ZNF469: variants seen among roughly 807,000 people sequenced by gnomAD.
The protein encoded by ZNF469 is zinc finger protein 469.
A neutral mutation model predicts 1.0 loss-of-function variants in ZNF469; 1 was observed. The observed-to-expected ratio is 1.00, with a 90% CI of 0.35 to 4.73. The LOEUF (loss-of-function observed/expected upper bound fraction) is 4.73. Among genes scored for constraint, ZNF469 ranks in the 30% most tolerant of loss-of-function variants. The pLI is 0.16. For synonymous variants in ZNF469, 2,703 were observed against 2,363.4 expected (o/e 1.14, Z -4.17); for missense variants, 6,100 against 5,356.3 (o/e 1.14, Z -4.33).
the ZNF469 span, among the ~76,000 whole-genome samples, chr16:88,184,130 T>C: frequency 6.6e-6 from 1 of 151,980 alleles, no homozygotes; most frequent in African/African-American, 2.4e-5. Flanking sequence ...GGCCCCCGTG[T>C]AAACAGACGA....
the ZNF469 span, among the ~76,000 whole-genome samples, chr16:88,355,083 G>A: frequency 6.6e-6 from 1 of 151,820 alleles, no homozygotes; most frequent in Non-Finnish European, 1.5e-5. Flanking sequence ...CGGGCCTGGG[G>A]AGGGTGGGCA....
At chr16:88,163,620 G>A in the ZNF469 span, among the ~76,000 whole-genome samples, 1 of 28,382 alleles carries the variant, frequency 3.5e-5, no homozygotes, top group South Asian at 1.3e-3. Flanking sequence ...GTAGATGGAT[G>A]GATGGATGGA....
rs1259194902 is a variant in ZNF469 at position 88,429,426 on chromosome 16, G to GC, written c.1963dup (p.His655ProfsTer83). 2.6e-6 allele frequency: 4 copies of GC among 1,532,844 alleles called. No homozygotes were observed. Among genetic ancestry groups the GC allele is most frequent in the Non-Finnish European group, 3.5e-6 (4 of 1,132,994 alleles). The allele number at this position is 1,532,844 out of a possible 1,614,324, so 95.0% of individuals were successfully genotyped here. A position where few individuals can be genotyped will look rare whatever the true frequency, so the allele number is the denominator to read the frequency against. ...CGGGCAGCCCCTTCCCGTCCCCGGA[G>GC]CCCCCCCACTCCCTCCCCACCCACT... On this transcript the variant is annotated frameshift_variant, in exon 3 of 3. Transcript: ENST00000565624. LOFTEE classifies it low-confidence loss of function (END_TRUNC).
chr16:88,386,573 C>T (rs559106819), intron 1 of ZNF469, among the ~76,000 whole-genome samples: 43 of 152,310 alleles, frequency 2.8e-4, no homozygotes, highest in Admixed American at 4.6e-4. Context: ...CCCTTCTCCC[C>T]GGGCTCAGCA....
Position 88,429,192 on chromosome 16 carries a change from G to T in ZNF469, c.1722G>T (p.Gly574=). The change falls in exon 3 of 3, where the codon GGG becomes GGT. Residue 574 remains glycine, a synonymous_variant. Transcript: ENST00000565624. The part of the protein sequence containing the change: ...GVAQPQVSPH[G]TPSLPPPRVV... ...CCCAGCCCCAGGTTTCACCCCACGG[G>T]ACACCCAGCCTGCCCCCACCGAGGG... 4 of 1,549,796 alleles carry T rather than the reference G, an allele frequency of 2.6e-6. No homozygotes were observed. The highest frequency in any genetic ancestry group is 1.2e-5 in the South Asian group (1 of 84,052).
intron 1 of ZNF469, among the ~76,000 whole-genome samples, chr16:88,388,445 C>T (rs942537019): frequency 2.8e-5 from 4 of 144,366 alleles, no homozygotes; most frequent in East Asian, 3.9e-4. Flanking sequence ...CCGTTGGGAG[C>T]GTCCCTGAGC....
In ZNF469 at chr16:88,437,983, C is replaced by T; in HGVS notation, c.10513C>T (p.Leu3505Phe). ...CAGCCCCATCCTGAGTGAGGGCTCTCTCCCGGCCCTGCTCCACCTGTGTTC... is the reference window on the plus strand; with the variant it reads ...CAGCCCCATCCTGAGTGAGGGCTCTTTCCCGGCCCTGCTCCACCTGTGTTC... Reference protein sequence around the residue: ...GSSPILSEGSLPALLHLCSEV... With the variant: ...GSSPILSEGSFPALLHLCSEV... The change falls in exon 3 of 3, where the codon CTC becomes TTC. Residue 3505 changes from leucine (L) to phenylalanine (F), a missense_variant. Coordinates refer to ENST00000565624, the MANE Select transcript of ZNF469 (RefSeq NM_001367624.2). 1.3e-6 allele frequency: 2 copies of T among 1,548,372 alleles called. No individual in the cohort carries two copies. Among genetic ancestry groups the T allele is most frequent in the South Asian group, 1.2e-5 (1 of 84,058 alleles).
the ZNF469 span, among the ~76,000 whole-genome samples, chr16:88,250,970 C>T: frequency 5.3e-5 from 8 of 152,106 alleles, no homozygotes; most frequent in East Asian, 3.9e-4. Flanking sequence ...CTCTGCCTCC[C>T]GGGTTCAAGC....
At chr16:88,227,034 A>C in the ZNF469 span, among the ~76,000 whole-genome samples, 5 of 126,198 alleles carry the variant, frequency 4.0e-5, no homozygotes, top group Admixed American at 1.6e-4. Context: ...GCGCGTTTCC[A>C]CCCGTGCCTC....
At chr16:88,280,848 G>A in the ZNF469 span, among the ~76,000 whole-genome samples, 1 of 151,558 alleles carries the variant, frequency 6.6e-6, no homozygotes, top group Non-Finnish European at 1.5e-5. Context: ...CTGTGCTGGT[G>A]TCGGTGCACA....
chr16:88,218,642 C>T, the ZNF469 span, among the ~76,000 whole-genome samples: 1 of 149,746 alleles, frequency 6.7e-6, no homozygotes. Flanking sequence ...CTATCTATGA[C>T]AAACCCACAG....
the ZNF469 span, among the ~76,000 whole-genome samples, chr16:88,333,910 CTGTG>C: frequency 1.5e-5 from 2 of 135,616 alleles, no homozygotes; most frequent in Non-Finnish European, 3.4e-5. Flanking sequence ...TTTTGTGCAT[CTGTG>C]TGTGTCTGTG....
the ZNF469 span, among the ~76,000 whole-genome samples, chr16:88,103,432 C>A: frequency 1.3e-5 from 2 of 152,222 alleles, no homozygotes; most frequent in Non-Finnish European, 1.5e-5. Flanking sequence ...CTCAGAAACT[C>A]AGAAATGCTT....
At chr16:88,329,511 G>T in the ZNF469 span, among the ~76,000 whole-genome samples, 1 of 152,186 alleles carries the variant, frequency 6.6e-6, no homozygotes, top group Non-Finnish European at 1.5e-5. Flanking sequence ...AGAAGGGTGA[G>T]GATGAAACAC....
chr16:88,321,135 C>A, the ZNF469 span, among the ~76,000 whole-genome samples: 1 of 152,250 alleles, frequency 6.6e-6, no homozygotes, highest in African/African-American at 2.4e-5. Context: ...GCCGCAGGGA[C>A]CAAGCTCCTC....
the ZNF469 span, among the ~76,000 whole-genome samples, chr16:88,255,750 G>A: frequency 2.6e-5 from 4 of 152,348 alleles, no homozygotes; most frequent in African/African-American, 9.6e-5. Flanking sequence ...GGAGTGCTCT[G>A]TCTTACAGAC....
chr16:88,381,257 C>T (rs766334777), upstream of ZNF469, among the ~76,000 whole-genome samples: 10 of 148,600 alleles, frequency 6.7e-5, no homozygotes, highest in African/African-American at 2.2e-4. Flanking sequence ...TGCACTCACA[C>T]GCACTCACAC....
At chr16:88,170,962 T>G in the ZNF469 span, among the ~76,000 whole-genome samples, 1 of 152,012 alleles carries the variant, frequency 6.6e-6, no homozygotes, top group Non-Finnish European at 1.5e-5. The surrounding 1 kb of genome is among the most constrained non-coding windows in gnomAD (Gnocchi z 4.2). Flanking sequence ...AAGGCCAGGG[T>G]CCAGGCACAG....
the ZNF469 span, among the ~76,000 whole-genome samples, chr16:88,291,687 C>T: frequency 5.3e-5 from 8 of 151,972 alleles, no homozygotes; most frequent in Non-Finnish European, 1.2e-4. Flanking sequence ...TGAGGGAGCC[C>T]CGTGCGGAAG....
Sources: gnomAD v4.1 joint callset for allele counts (sites outside exome capture counted in the v4.1 genomes callset) on GRCh38, gnomAD v4.1.1 for gene constraint, Gnocchi (gnomAD v3.1) non-coding constraint, MANE v1.5 for transcripts, NCBI Gene and HGNC (gene_info 2026-07-23, HGNC 2026-07-21) for gene names.